PLEKHA5: variants seen among roughly 807,000 people sequenced by gnomAD.
The protein encoded by PLEKHA5 is pleckstrin homology domain-containing family A member 5.
PLEKHA5 carries 55 observed loss-of-function variants against 181.9 expected under a neutral mutation model. The ratio of observed to expected loss-of-function variants is 0.30; its 90% CI spans 0.24 to 0.38. The LOEUF (loss-of-function observed/expected upper bound fraction) is 0.38. Ranked by LOEUF, PLEKHA5 falls within the 10% of genes least tolerant of loss-of-function variation. The probability of loss-of-function intolerance (pLI) is 1.00; values close to 1 mark genes in which losing one functional copy is unlikely to be tolerated. For missense variants in PLEKHA5, 1,432 were observed against 1,549.5 expected (o/e 0.92, Z 1.27); for synonymous variants, 535 against 529.4 (o/e 1.01, Z -0.15).
chr12:19,170,491 A>G (rs1003271051), intron 3 of PLEKHA5, among the ~76,000 whole-genome samples: 2 of 151,018 alleles, frequency 1.3e-5, no homozygotes, highest in Admixed American at 1.3e-4. Context: ...CAGCGGCACA[A>G]TTTCCACTCC....
At chr12:19,341,920 A>G (rs926875265) in intron 21 of PLEKHA5, among the ~76,000 whole-genome samples, 1 of 152,020 alleles carries the variant, frequency 6.6e-6, no homozygotes, top group East Asian at 1.9e-4. Flanking sequence ...TTTGGTAGAG[A>G]TGGGGTTTTT....
At chr12:19,252,230 C>T (rs999428245) in intron 3 of PLEKHA5, among the ~76,000 whole-genome samples, 2 of 152,060 alleles carry the variant, frequency 1.3e-5, no homozygotes, top group African/African-American at 4.8e-5. Flanking sequence ...AGAACTTAAG[C>T]ATATGAAATT....
At chr12:19,296,991 A>G (rs1321656945) in intron 15 of PLEKHA5, among the ~76,000 whole-genome samples, 1 of 152,124 alleles carries the variant, frequency 6.6e-6, no homozygotes, top group Non-Finnish European at 1.5e-5. Context: ...CTTAAATGAT[A>G]TTCCCCTTTT....
intron 7 of PLEKHA5, among the ~76,000 whole-genome samples, chr12:19,262,890 C>A (rs889751862): frequency 2.0e-5 from 3 of 152,084 alleles, no homozygotes; most frequent in Non-Finnish European, 2.9e-5. Context: ...GAAAAACAAA[C>A]AAACAAAAAA....
Position 19,221,287 on chromosome 12 carries a change from C to T in PLEKHA5, c.228-32653C>T, listed in dbSNP as rs1444214116. 2.0e-5 allele frequency among the ~76,000 whole-genome samples: 3 copies of T among 152,170 alleles called. No individual in the cohort carries two copies. In the East Asian group the frequency reaches 5.8e-4, roughly 29 times the overall value. On this transcript the variant is annotated intron_variant, in intron 3 of 31. Transcript: ENST00000429027. ...ATGAATAAATAAACTGTGGTATATC[C>T]AAATAATGGAATATTATTCAGCAGT...
At chr12:19,240,251 T>G (rs1045564168) in intron 3 of PLEKHA5, among the ~76,000 whole-genome samples, 3 of 152,038 alleles carry the variant, frequency 2.0e-5, no homozygotes, top group African/African-American at 4.8e-5. Context: ...TTGGATCTCT[T>G]TAAATTGTGT....
chr12:19,304,007 C>T (rs1318573709), intron 15 of PLEKHA5, among the ~76,000 whole-genome samples: 1 of 150,670 alleles, frequency 6.6e-6, no homozygotes, highest in Non-Finnish European at 1.5e-5. Flanking sequence ...GGGGGTTTCA[C>T]CATGTTGCCC....
At chr12:19,205,559 C>T (rs995874806) in intron 3 of PLEKHA5, 1 of 162,306 alleles carries the variant, frequency 6.2e-6, no homozygotes, top group African/African-American at 2.4e-5. Flanking sequence ...CTTTATGTAG[C>T]AAGCAACTTA....
chr12:19,170,544 G>A (rs2045653566), intron 3 of PLEKHA5, among the ~76,000 whole-genome samples: 1 of 151,464 alleles, frequency 6.6e-6, no homozygotes, highest in Non-Finnish European at 1.5e-5. Context: ...TCCTGCCTCC[G>A]GAGTAGCTGT....
chr12:19,228,149 A>G (rs2059947023), intron 3 of PLEKHA5, among the ~76,000 whole-genome samples: 1 of 152,118 alleles, frequency 6.6e-6, no homozygotes, highest in Non-Finnish European at 1.5e-5. Context: ...CCAATCCTCC[A>G]TGTGACTTAT....
chr12:19,346,135 A>G (rs1488222775), intron 23 of PLEKHA5, among the ~76,000 whole-genome samples: 1 of 152,098 alleles, frequency 6.6e-6, no homozygotes, highest in Non-Finnish European at 1.5e-5. Flanking sequence ...ACGTTGTCAT[A>G]CTTTTTCTAA....
At chr12:19,167,436 C>CTTTTTTTTTTTTTTTTTTTTTTTTTTTT (rs1555230969) in intron 3 of PLEKHA5, among the ~76,000 whole-genome samples, 54 of 48,592 alleles carry the variant, frequency 1.1e-3, no homozygotes, top group African/African-American at 1.4e-3. Context: ...TTTTTTTTTG[C>CTTTTTTTTTTTTTTTTTTTTTTTTTTTT]TTTGGAAGCA....
At chr12:19,217,364 T>G (rs947781060) in intron 3 of PLEKHA5, among the ~76,000 whole-genome samples, 1 of 152,190 alleles carries the variant, frequency 6.6e-6, no homozygotes, top group Non-Finnish European at 1.5e-5. Context: ...TGCAGAAATA[T>G]TTAGGCACCA....
chr12:19,202,040 T>C (rs2054318743), intron 3 of PLEKHA5: 1 of 958,172 alleles, frequency 1.0e-6, no homozygotes. Context: ...TCGTTCTTAA[T>C]TATTCCCTTC....
intron 3 of PLEKHA5, chr12:19,201,487 T>G (rs941656839): frequency 5.3e-5 from 8 of 152,110 alleles, no homozygotes; most frequent in African/African-American, 1.9e-4. Context: ...CGTAAGTATG[T>G]TAAGAATGAA....
intron 16 of PLEKHA5, among the ~76,000 whole-genome samples, chr12:19,317,125 A>G (rs1345283874): frequency 6.6e-6 from 1 of 152,130 alleles, no homozygotes; most frequent in African/African-American, 2.4e-5. Context: ...CCAACAATTT[A>G]TGAGGCCAAA....
chr12:19,345,961 CTCTAA>C, intron 23 of PLEKHA5, 73 bp downstream of exon 23: 1 of 714,680 alleles, frequency 1.4e-6, no homozygotes, highest in Non-Finnish European at 2.4e-6. Context: ...TAATTGTCTT[CTCTAA>C]TCTTAATAAC....
At chr12:19,242,261 CAG>C (rs1297405416) in intron 3 of PLEKHA5, among the ~76,000 whole-genome samples, 6 of 149,824 alleles carry the variant, frequency 4.0e-5, no homozygotes, top group Middle Eastern at 3.5e-3. Flanking sequence ...TGTTTTGAGA[CAG>C]AGTCTCACTC....
chr12:19,240,772 A>G (rs1420137276), intron 3 of PLEKHA5, among the ~76,000 whole-genome samples: 1 of 151,858 alleles, frequency 6.6e-6, no homozygotes, highest in Admixed American at 6.6e-5. Context: ...TTTGAATGCC[A>G]TGTTATTGCT....
Sources: gnomAD v4.1 joint callset for allele counts (sites outside exome capture counted in the v4.1 genomes callset) on GRCh38, gnomAD v4.1.1 for gene constraint, MANE v1.5 for transcripts, NCBI Gene and HGNC (gene_info 2026-07-23, HGNC 2026-07-21) for gene names.